FHIT: variants seen among roughly 807,000 people sequenced by gnomAD.
FHIT encodes fragile histidine triad diadenosine triphosphatase.
FHIT carries 19 observed loss-of-function variants against 17.9 expected under a neutral mutation model. That is an observed-to-expected ratio of 1.06 (90% CI 0.74 to 1.56). The LOEUF (loss-of-function observed/expected upper bound fraction) is 1.56. Ranked by LOEUF, FHIT falls within the 40% of genes most tolerant of loss-of-function variation. The pLI is 0.00. For missense variants in FHIT, 248 were observed against 189.2 expected (o/e 1.31, Z -1.82); for synonymous variants, 81 against 69.7 (o/e 1.16, Z -0.81).
chr3:60,411,956 C>CAGTGG (rs1289781130), intron 5 of FHIT, among the ~76,000 whole-genome samples: 1 of 152,016 alleles, frequency 6.6e-6, no homozygotes, highest in East Asian at 1.9e-4. Context: ...AATCATTTTT[C>CAGTGG]AGTGGTACCT....
chr3:59,774,689 G>A (rs1267746035), intron 8 of FHIT, among the ~76,000 whole-genome samples: 1 of 152,046 alleles, frequency 6.6e-6, no homozygotes. Context: ...TCAAATTAAA[G>A]ACCTAGGAGA....
At chr3:59,999,442 T>C (rs149573457) in intron 7 of FHIT, among the ~76,000 whole-genome samples, 1 of 152,274 alleles carries the variant, frequency 6.6e-6, no homozygotes, top group East Asian at 1.9e-4. Context: ...AGATTCCCAC[T>C]AGCATGTGAT....
At chr3:60,829,242 C>T (rs1310731383) in intron 3 of FHIT, among the ~76,000 whole-genome samples, 1 of 152,206 alleles carries the variant, frequency 6.6e-6, no homozygotes, top group African/African-American at 2.4e-5. Context: ...TTGAAAACCA[C>T]ACCAAAGTCA....
intron 3 of FHIT, among the ~76,000 whole-genome samples, chr3:61,012,310 G>C (rs993145575): frequency 6.6e-6 from 1 of 152,076 alleles, no homozygotes; most frequent in South Asian, 2.1e-4. Context: ...AATATCTTGA[G>C]TGACTGAGCA....
chr3:61,139,511 C>CA (rs1302755585), intron 2 of FHIT, among the ~76,000 whole-genome samples: 2 of 151,596 alleles, frequency 1.3e-5, no homozygotes, highest in Non-Finnish European at 2.9e-5. Flanking sequence ...TTCTCTTTCA[C>CA]AAAAATAGTC....
chr3:60,134,434 C>A (rs555266683), intron 5 of FHIT, among the ~76,000 whole-genome samples: 1 of 152,132 alleles, frequency 6.6e-6, no homozygotes, highest in East Asian at 1.9e-4. Context: ...ATCCAATAAG[C>A]TTTTTTAAAA....
At chr3:60,091,575 C>G (rs1703733481) in intron 5 of FHIT, among the ~76,000 whole-genome samples, 1 of 152,122 alleles carries the variant, frequency 6.6e-6, no homozygotes, top group Non-Finnish European at 1.5e-5. Flanking sequence ...GAATCTGTGT[C>G]CCTGCCCAAA....
intron 5 of FHIT, among the ~76,000 whole-genome samples, chr3:60,425,761 C>T (rs917510630): frequency 9.2e-5 from 14 of 152,130 alleles, no homozygotes; most frequent in African/African-American, 3.1e-4. Flanking sequence ...ATCAGAATTA[C>T]ACACCACCCA....
intron 5 of FHIT, among the ~76,000 whole-genome samples, chr3:60,476,818 T>G (rs1276206495): frequency 6.6e-6 from 1 of 151,404 alleles, no homozygotes; most frequent in African/African-American, 2.4e-5. Flanking sequence ...GTGAGCATCA[T>G]TTGGTCTCGT....
chr3:60,325,778 C>G (rs1345593623), intron 5 of FHIT, among the ~76,000 whole-genome samples: 1 of 152,218 alleles, frequency 6.6e-6, no homozygotes, highest in Non-Finnish European at 1.5e-5. Flanking sequence ...GCCCTGCCAG[C>G]AGGGCATTTA....
intron 4 of FHIT, among the ~76,000 whole-genome samples, chr3:60,706,891 C>T (rs2041386663): frequency 6.6e-6 from 1 of 152,210 alleles, no homozygotes; most frequent in Admixed American, 6.5e-5. Context: ...CCAAGTTATA[C>T]AATTGTGGCA....
chr3:59,928,105 G>C (rs1705764818), intron 7 of FHIT, among the ~76,000 whole-genome samples: 1 of 152,222 alleles, frequency 6.6e-6, no homozygotes, highest in Admixed American at 6.5e-5. Flanking sequence ...ACCTCCACCA[G>C]TTGGCCCTGT....
intron 8 of FHIT, among the ~76,000 whole-genome samples, chr3:59,753,904 G>C (rs13075135): frequency 0.23 from 35,389 of 151,976 alleles, 4,675 homozygotes; most frequent in South Asian, 0.45. Context: ...TCCCTAAAGA[G>C]CATCCCACAG....
intron 5 of FHIT, among the ~76,000 whole-genome samples, chr3:60,521,003 AT>A: frequency 6.6e-6 from 1 of 152,212 alleles, no homozygotes; most frequent in South Asian, 2.1e-4. Flanking sequence ...ATGCCTATAA[AT>A]TTTTTGGTTT....
intron 3 of FHIT, among the ~76,000 whole-genome samples, chr3:60,892,010 G>A (rs1011713249): frequency 1.3e-5 from 2 of 152,172 alleles, no homozygotes; most frequent in Non-Finnish European, 2.9e-5. Context: ...GGACCTTAAA[G>A]GTGATTTGGT....
intron 2 of FHIT, among the ~76,000 whole-genome samples, chr3:61,049,355 A>G (rs753428238): frequency 6.6e-6 from 1 of 151,918 alleles, no homozygotes; most frequent in Non-Finnish European, 1.5e-5. Flanking sequence ...TTGATAAGAA[A>G]AAGTTTTTTT....
intron 7 of FHIT, among the ~76,000 whole-genome samples, chr3:59,974,352 C>G (rs1432596060): frequency 6.6e-6 from 1 of 152,148 alleles, no homozygotes; most frequent in African/African-American, 2.4e-5. Flanking sequence ...TGAAATTTGT[C>G]TTTAAACACT....
intron 3 of FHIT, among the ~76,000 whole-genome samples, chr3:60,919,031 A>G (rs1181310821): frequency 6.6e-6 from 1 of 152,194 alleles, no homozygotes; most frequent in African/African-American, 2.4e-5. Context: ...CATGGACTAA[A>G]TATCTGGGTC....
At chr3:60,840,650 C>T (rs913350296) in intron 3 of FHIT, among the ~76,000 whole-genome samples, 1 of 152,204 alleles carries the variant, frequency 6.6e-6, no homozygotes, top group Non-Finnish European at 1.5e-5. Flanking sequence ...CCTTCATTCT[C>T]TACATAGATT....
Sources: gnomAD v4.1 joint callset for allele counts (sites outside exome capture counted in the v4.1 genomes callset) on GRCh38, gnomAD v4.1.1 for gene constraint, MANE v1.5 for transcripts, NCBI Gene and HGNC (gene_info 2026-07-23, HGNC 2026-07-21) for gene names.